Variants in ADAM12 observed in about 807,000 individuals in gnomAD.
ADAM12 encodes disintegrin and metalloproteinase domain-containing protein 12.
In ADAM12, 70 loss-of-function variants were observed where a neutral mutation model predicts 106.4. The ratio of observed to expected loss-of-function variants is 0.66; its 90% CI spans 0.54 to 0.80. The LOEUF (loss-of-function observed/expected upper bound fraction) is 0.80. ADAM12 is among the 30% of genes least tolerant of loss of function. The pLI, the probability that ADAM12 is intolerant of heterozygous loss-of-function variation, is 0.00. For synonymous variants in ADAM12, 420 were observed against 433.5 expected (o/e 0.97, Z 0.39); for missense variants, 1,010 against 1,171.9 (o/e 0.86, Z 2.02).
chr10:126,098,446 G>A lies in ADAM12; in HGVS notation c.966C>T (p.Cys322=). ...TIGMAPIMSM[C]TADQSGGIVM... is the part of the protein sequence containing the mutation. Reference sequence around the variant, plus strand: ...CAATTCCCCCAGACTGGTCTGCCGTGCACATGCTCATGATTGGGGCCATGC... The same window carrying A: ...CAATTCCCCCAGACTGGTCTGCCGTACACATGCTCATGATTGGGGCCATGC... Residue 322 remains cysteine, a synonymous_variant, in exon 10 of 23, where the codon TGC becomes TGT. Coordinates refer to ENST00000448723, the MANE Select transcript of ADAM12 (RefSeq NM_001288973.2). The A allele has an allele frequency of 1.2e-6, 2 of 1,614,110 alleles. No homozygotes were observed. The highest frequency in any genetic ancestry group is 1.7e-6 in the Non-Finnish European group (2 of 1,179,984).
rs922866176 is a variant in ADAM12 at position 126,347,989 on chromosome 10, C to A, written c.89-17480G>T. Among the ~76,000 whole-genome samples, 3 of 152,164 alleles carry A rather than the reference C, an allele frequency of 2.0e-5. No individual in the cohort carries two copies. In the South Asian group the frequency reaches 6.2e-4, roughly 31 times the overall value. The stretch of plus-strand genomic sequence containing the variant: ...GTTTCCATGGGAGTCTAGAACAACA[C>A]CTTCCAGTGAGCTCTGCTTTTCACC... On this transcript the variant is annotated intron_variant, in intron 1 of 22. Coordinates refer to ENST00000448723, the MANE Select transcript of ADAM12 (RefSeq NM_001288973.2).
chr10:126,261,127 C>G (rs1364120909), intron 3 of ADAM12, among the ~76,000 whole-genome samples: 1 of 152,090 alleles, frequency 6.6e-6, no homozygotes, highest in African/African-American at 2.4e-5. Context: ...TATGCAAATA[C>G]TATGCCATTT....
chr10:126,062,141 C>T lies in ADAM12; in HGVS notation c.1609+2665G>A, dbSNP rs113449897. On this transcript the variant is annotated intron_variant, in intron 14 of 22. Transcript: ENST00000448723. ...ACCAAAACCCAGGAAGTCACAAGCC[C>T]GAGGTGGCTTCCCAAGCCTGGTCTC... Among the ~76,000 whole-genome samples, 49 of 152,266 alleles carry T rather than the reference C, an allele frequency of 3.2e-4. 1 individual carries two copies. Among genetic ancestry groups the T allele is most frequent in the African/African-American group, 1.1e-3 (45 of 41,546 alleles).
At chr10:126,039,497 T>C in intron 18 of ADAM12, 68 bp from the exon 19 acceptor site, 1 of 1,593,226 alleles carries the variant, frequency 6.3e-7, no homozygotes, top group Admixed American at 1.7e-5. Context: ...TATCAAGTTG[T>C]GACGTTTATG....
chr10:126,034,238 C>T (rs1204139179), intron 21 of ADAM12, among the ~76,000 whole-genome samples: 1 of 152,128 alleles, frequency 6.6e-6, no homozygotes, highest in Non-Finnish European at 1.5e-5. Context: ...TTATGCCTTT[C>T]AGAGGACATT....
chr10:126,271,410 G>A (rs1959174983), intron 3 of ADAM12, among the ~76,000 whole-genome samples: 1 of 152,214 alleles, frequency 6.6e-6, no homozygotes, highest in Non-Finnish European at 1.5e-5. Flanking sequence ...CTGGACAGCA[G>A]CAATATGCAG....
chr10:126,287,951 C>T lies in ADAM12; in HGVS notation c.187-8963G>A, dbSNP rs188186613. ...GTCCCCACACCCGGAGCAGGGCCAC[C>T]GAGATGCCTCTGTAGGATGAAGGGT... On this transcript the variant is annotated intron_variant, in intron 2 of 22. Transcript: ENST00000448723. 7.9e-5 allele frequency among the ~76,000 whole-genome samples: 12 copies of T among 152,180 alleles called. No individual in the cohort carries two copies. In the East Asian group the frequency reaches 1.4e-3, roughly 17 times the overall value.
At chr10:126,057,681 T>A (rs1048008934) in intron 14 of ADAM12, among the ~76,000 whole-genome samples, 19 of 152,012 alleles carry the variant, frequency 1.2e-4, no homozygotes, top group African/African-American at 4.6e-4. Context: ...GTCGCCAGAG[T>A]GATTCAGCAC....
chr10:126,311,094 TACAC>T (rs67514376), intron 2 of ADAM12, among the ~76,000 whole-genome samples: 5,717 of 138,462 alleles, frequency 0.041, 205 homozygotes, highest in African/African-American at 0.1. Context: ...TACACACAAA[TACAC>T]ACACACACAC....
intron 11 of ADAM12, among the ~76,000 whole-genome samples, chr10:126,074,090 AGAT>A (rs1474036150): frequency 2.0e-5 from 3 of 152,222 alleles, no homozygotes; most frequent in Non-Finnish European, 4.4e-5. Flanking sequence ...CTGATCTAGG[AGAT>A]GAAACATCAT....
At chr10:126,378,133 T>C (rs1856358795) in intron 1 of ADAM12, among the ~76,000 whole-genome samples, 1 of 152,174 alleles carries the variant, frequency 6.6e-6, no homozygotes, top group South Asian at 2.1e-4. Context: ...CTTGGCAACA[T>C]TTAAAAAGCC....
At chr10:126,121,032 T>C (rs12770516) in intron 5 of ADAM12, among the ~76,000 whole-genome samples, 92 of 46,900 alleles carry the variant, frequency 2.0e-3, no homozygotes, top group East Asian at 4.3e-3. Context: ...TTATATATTA[T>C]ATATGCAATA....
At chr10:126,069,922 G>A (rs913147916) in intron 12 of ADAM12, among the ~76,000 whole-genome samples, 4 of 152,122 alleles carry the variant, frequency 2.6e-5, no homozygotes, top group African/African-American at 9.7e-5. Context: ...GCTGCTGCTG[G>A]TGGCATATGG....
At position 126,064,896 on chromosome 10, in the gene ADAM12, C is replaced by T. The variant is rs370831561; in HGVS notation, c.1519G>A (p.Asp507Asn). The change falls in exon 14 of 23, where the codon GAT becomes AAT. Residue 507 changes from aspartate to asparagine, a missense_variant. By Grantham distance (23) the Asp-to-Asn change is conservative. Around this residue, in one of 3 missense-constraint regions of ADAM12, gnomAD observed 615 missense variants for 708.5 expected, o/e 0.87. Transcript: ENST00000448723. This position sits in a 1 kb window ranked among gnomAD's most constrained non-coding sequence, Gnocchi z 4.4. The stretch of plus-strand genomic sequence containing the variant: ...TCCACATCCTGACATGAGTGCCCAT[C>T]GTGCAGGTACACGTTGGCTGGGCAG... The part of the protein sequence containing the change: ...PHCPANVYLH[D>N]GHSCQDVDGY... The T allele has an allele frequency of 1.5e-5, 24 of 1,612,838 alleles. No individual in the cohort carries two copies. Among genetic ancestry groups the T allele is most frequent in the East Asian group, 4.5e-5 (2 of 44,848 alleles).
chr10:126,212,738 T>C (rs1195162796), intron 3 of ADAM12, among the ~76,000 whole-genome samples: 1 of 152,190 alleles, frequency 6.6e-6, no homozygotes, highest in Non-Finnish European at 1.5e-5. Context: ...GCAGCTTTGA[T>C]TATGGAGAGA....
chr10:126,042,206 T>C (rs1481206707), intron 18 of ADAM12: 2 of 1,613,802 alleles, frequency 1.2e-6, no homozygotes, highest in Non-Finnish European at 1.7e-6. Flanking sequence ...CCGCGCTCCC[T>C]GTTGGACTCT....
intron 12 of ADAM12, 27 bp downstream of exon 12, chr10:126,071,450 T>C (rs769895797): frequency 1.2e-6 from 2 of 1,610,922 alleles, no homozygotes; most frequent in African/African-American, 1.3e-5. Flanking sequence ...AGTCTTCTTG[T>C]ATCCTTGTTC....
chr10:126,278,844 A>T (rs931486941), intron 3 of ADAM12, 71 bp downstream of exon 3: 1 of 1,197,580 alleles, frequency 8.4e-7, no homozygotes, highest in African/African-American at 1.5e-5. Flanking sequence ...CCCAACATAA[A>T]TCACAGAGCA....
Position 126,194,462 on chromosome 10 carries a change from G to A in ADAM12, c.261-39157C>T, listed in dbSNP as rs1220207636. Among the ~76,000 whole-genome samples the A allele has an allele frequency of 2.0e-5, 3 of 152,234 alleles. No homozygotes were observed. In the South Asian group the frequency reaches 6.2e-4, roughly 32 times the overall value. ...TGGCTGAGCCAGTGACAAATAAAAC[G>A]TGATTTAATGTAGCATTTCTCACAC... On this transcript the variant is annotated intron_variant, in intron 3 of 22. Transcript: ENST00000448723.
Sources: gnomAD v4.1 joint callset for allele counts (sites outside exome capture counted in the v4.1 genomes callset) on GRCh38, gnomAD v4.1.1 for gene constraint, gnomAD v4.1.1 regional missense constraint, Gnocchi (gnomAD v3.1) non-coding constraint, MANE v1.5 for transcripts, NCBI Gene and HGNC (gene_info 2026-07-23, HGNC 2026-07-21) for gene names.